Variants in AGMO observed in about 807,000 individuals in gnomAD.
AGMO encodes glyceryl-ether monooxygenase.
Under a neutral mutation model 60.2 loss-of-function variants are expected in AGMO, and 75 were observed. The ratio of observed to expected loss-of-function variants is 1.25; its 90% CI spans 1.03 to 1.51. The LOEUF is 1.51. Among genes scored for constraint, AGMO ranks in the 40% most tolerant of loss-of-function variants. AGMO has a pLI of 0.00. For synonymous variants in AGMO, 261 were observed against 177.1 expected, an observed-to-expected ratio of 1.47 and a Z score of -3.76; for missense variants, 763 against 525.5, an observed-to-expected ratio of 1.45 and a Z score of -4.42.
chr7:15,532,940 G>A (rs932015267), intron 3 of AGMO, among the ~76,000 whole-genome samples: 67 of 152,034 alleles, frequency 4.4e-4, no homozygotes, highest in Admixed American at 3.6e-3. Context: ...GCAATGAGCC[G>A]AGATCATGCC....
At chr7:15,333,023 A>G (rs142334547) in intron 12 of AGMO, among the ~76,000 whole-genome samples, 4 of 152,268 alleles carry the variant, frequency 2.6e-5, no homozygotes, top group African/African-American at 9.6e-5. Context: ...CATAAACTCT[A>G]GAAGGAAAAG....
At chr7:15,164,626 C>A in the AGMO span, among the ~76,000 whole-genome samples, 653 of 152,134 alleles carry the variant, frequency 4.3e-3, 1 homozygote, top group Non-Finnish European at 7.1e-3. Context: ...AAAAAATGCT[C>A]ATCCTCACTA....
chr7:15,289,809 T>C (rs1583368752), intron 12 of AGMO, among the ~76,000 whole-genome samples: 2 of 152,022 alleles, frequency 1.3e-5, no homozygotes, highest in Admixed American at 6.6e-5. Context: ...AATAATTACA[T>C]TCATTATAGT....
chr7:15,543,345 C>T (rs543625532), intron 3 of AGMO, among the ~76,000 whole-genome samples: 2 of 152,294 alleles, frequency 1.3e-5, no homozygotes, highest in Admixed American at 6.5e-5. Context: ...ATTTGTTCCT[C>T]ATTCTTCCAT....
At chr7:15,176,630 A>T in the AGMO span, among the ~76,000 whole-genome samples, 1 of 152,100 alleles carries the variant, frequency 6.6e-6, no homozygotes, top group South Asian at 2.1e-4. Flanking sequence ...TACCAAAATC[A>T]AATTAATTAA....
At chr7:15,392,892 C>A (rs1031862989) in intron 6 of AGMO, among the ~76,000 whole-genome samples, 9 of 152,200 alleles carry the variant, frequency 5.9e-5, no homozygotes, top group African/African-American at 2.2e-4. Context: ...CTTAAATGCG[C>A]TCAAAGCACT....
the AGMO span, among the ~76,000 whole-genome samples, chr7:15,195,063 G>C: frequency 1.3e-5 from 2 of 152,152 alleles, no homozygotes. Flanking sequence ...ATTTAACTTT[G>C]TGTTACAGGG....
At chr7:15,242,430 G>A (rs1276728812) in intron 12 of AGMO, among the ~76,000 whole-genome samples, 2 of 152,118 alleles carry the variant, frequency 1.3e-5, no homozygotes, top group African/African-American at 2.4e-5. Context: ...TTTAACCACA[G>A]TGTTTGGAGT....
At chr7:15,128,500 G>A in the AGMO span, among the ~76,000 whole-genome samples, 3 of 151,908 alleles carry the variant, frequency 2.0e-5, no homozygotes, top group East Asian at 1.9e-4. Context: ...ATTTGAATGC[G>A]TAATTTGTCT....
chr7:15,371,788 C>T (rs557648488), intron 10 of AGMO, among the ~76,000 whole-genome samples: 99 of 152,244 alleles, frequency 6.5e-4, no homozygotes, highest in South Asian at 1.5e-3. Flanking sequence ...AGTCTGGCCT[C>T]AGCCTCCCAA....
intron 10 of AGMO, among the ~76,000 whole-genome samples, chr7:15,380,309 A>G (rs1452075800): frequency 6.6e-6 from 1 of 152,196 alleles, no homozygotes; most frequent in Non-Finnish European, 1.5e-5. Flanking sequence ...CAACTTCAGC[A>G]AAGTCTCCGG....
intron 12 of AGMO, among the ~76,000 whole-genome samples, chr7:15,250,869 C>T (rs769005355): frequency 1.1e-4 from 17 of 151,716 alleles, no homozygotes; most frequent in Admixed American, 2.0e-4. Flanking sequence ...CGCTTGAACC[C>T]GGGAGGCAGA....
chr7:15,302,148 T>A (rs999555938), intron 12 of AGMO, among the ~76,000 whole-genome samples: 1 of 152,196 alleles, frequency 6.6e-6, no homozygotes, highest in African/African-American at 2.4e-5. Flanking sequence ...TCCTTTTGAG[T>A]CAATGAATTA....
chr7:15,347,826 G>A (rs1782088986), intron 12 of AGMO, among the ~76,000 whole-genome samples: 1 of 152,036 alleles, frequency 6.6e-6, no homozygotes, highest in African/African-American at 2.4e-5. Flanking sequence ...CCTGCTGACT[G>A]ATAAGGAACT....
chr7:15,462,589 T>C (rs73290411), intron 3 of AGMO, among the ~76,000 whole-genome samples: 10,885 of 152,208 alleles, frequency 0.072, 661 homozygotes, highest in African/African-American at 0.17. Context: ...TTGCAAGACA[T>C]GTACGAGCTT....
At chr7:15,379,954 C>T (rs1015051220) in intron 10 of AGMO, among the ~76,000 whole-genome samples, 1 of 151,914 alleles carries the variant, frequency 6.6e-6, no homozygotes, top group Non-Finnish European at 1.5e-5. Flanking sequence ...TTCTTTAATT[C>T]GACACCCTTT....
At chr7:15,465,398 A>G (rs4719451) in intron 3 of AGMO, among the ~76,000 whole-genome samples, 126,378 of 149,678 alleles carry the variant, frequency 0.84, 53,513 homozygotes, top group East Asian at 0.97. Flanking sequence ...AGACAAGATG[A>G]CTTGGAAAAC....
intron 12 of AGMO, among the ~76,000 whole-genome samples, chr7:15,328,710 C>CT (rs1781418091): frequency 1.3e-5 from 2 of 152,214 alleles, no homozygotes; most frequent in East Asian, 3.9e-4. Flanking sequence ...TTCAGTGAGC[C>CT]TTTTAAAGGT....
chr7:15,192,006 C>CAG, the AGMO span, among the ~76,000 whole-genome samples: 494 of 145,242 alleles, frequency 3.4e-3, 3 homozygotes, highest in Admixed American at 0.023. Context: ...CACACACACA[C>CAG]AGAGAACTAT....
Sources: allele counts gnomAD v4.1 joint callset (sites outside exome capture counted in the v4.1 genomes callset), GRCh38; gene constraint gnomAD v4.1.1; transcripts MANE v1.5; gene names NCBI Gene and HGNC (gene_info 2026-07-23, HGNC 2026-07-21).